Variants in HNRNPF observed in about 807,000 individuals in gnomAD.
The protein encoded by HNRNPF is HnRNP F protein.
HNRNPF carries 2 observed loss-of-function variants against 26.0 expected under a neutral mutation model. The ratio of observed to expected loss-of-function variants is 0.08; its 90% confidence interval spans 0.03 to 0.24. The LOEUF (loss-of-function observed/expected upper bound fraction) is 0.24. HNRNPF is among the 10% of genes least tolerant of loss of function. The pLI, the probability that HNRNPF is intolerant of heterozygous loss-of-function variation, is 1.00. For synonymous variants in HNRNPF, 234 were observed against 211.5 expected (o/e 1.11, Z -0.92); for missense variants, 299 against 539.2 (o/e 0.55, Z 4.41).
intron 3 of HNRNPF, among the ~76,000 whole-genome samples, chr10:43,393,233 T>C (rs920569420): frequency 1.3e-5 from 2 of 152,242 alleles, no homozygotes; most frequent in Non-Finnish European, 2.9e-5. Context: ...CTCATATTGT[T>C]ATTTCTCCTA....
At chr10:43,394,078 G>A (rs1477058595) in intron 3 of HNRNPF, among the ~76,000 whole-genome samples, 2 of 152,282 alleles carry the variant, frequency 1.3e-5, no homozygotes, top group East Asian at 3.9e-4. Context: ...CTACTGGGGA[G>A]AAACTTGTGC....
chr10:43,387,571 G>A lies in HNRNPF; in HGVS notation c.314C>T (p.Ala105Val). The change falls in exon 4 of 4, where the codon GCC (alanine) becomes GTC (valine). Residue 105 changes from alanine to valine, a missense_variant. Around this residue, in one of 6 missense-constraint regions of HNRNPF, gnomAD observed 104 missense variants for 239.0 expected, o/e 0.44. Transcript: ENST00000682386. The surrounding 1 kb of genome is among the most constrained non-coding windows in gnomAD (Gnocchi z 6.0). ...CACGAAGCCATCGTTGGCGCTGTCG[G>A]CACTGTTGGGACCACTGTGCTTCAA... ...WVLKHSGPNS[A>V]DSANDGFVRL... The A allele has an allele frequency of 1.2e-6, 2 of 1,614,162 alleles. No individual in the cohort carries two copies. The highest frequency in any genetic ancestry group is 8.5e-7 in the Non-Finnish European group (1 of 1,180,016).
At chr10:43,398,636 G>A (rs560420866) in intron 1 of HNRNPF, among the ~76,000 whole-genome samples, 20 of 152,058 alleles carry the variant, frequency 1.3e-4, no homozygotes, top group African/African-American at 4.6e-4. Context: ...CACCGCGCCC[G>A]GCCTGTTTTA....
chr10:43,405,382 C>T (rs1334672698), intron 1 of HNRNPF, among the ~76,000 whole-genome samples: 2 of 152,124 alleles, frequency 1.3e-5, no homozygotes, highest in Non-Finnish European at 2.9e-5. Context: ...ACATGCCGGG[C>T]GCGGTGGCTC....
At chr10:43,401,234 T>C (rs1020021458) in intron 1 of HNRNPF, among the ~76,000 whole-genome samples, 1 of 152,256 alleles carries the variant, frequency 6.6e-6, no homozygotes, top group Admixed American at 6.5e-5. Context: ...TATCAGGTCC[T>C]TTCACTTACT....
At chr10:43,388,887 A>G (rs1273364149) in intron 3 of HNRNPF, among the ~76,000 whole-genome samples, 1 of 152,132 alleles carries the variant, frequency 6.6e-6, no homozygotes, top group African/African-American at 2.4e-5. Flanking sequence ...AAAACACTGC[A>G]GTATCATGGG....
intron 2 of HNRNPF, among the ~76,000 whole-genome samples, 173 bp downstream of exon 2, chr10:43,396,283 G>C (rs573534387): frequency 2.4e-4 from 37 of 152,346 alleles, no homozygotes; most frequent in African/African-American, 8.7e-4. Context: ...ACTCGAGGAA[G>C]GATCCTGGCC....
At chr10:43,392,916 TTC>T (rs1288611090) in intron 3 of HNRNPF, among the ~76,000 whole-genome samples, 1 of 152,100 alleles carries the variant, frequency 6.6e-6, no homozygotes, top group Non-Finnish European at 1.5e-5. Flanking sequence ...AAACCTCACA[TTC>T]TCTCTTCTGT....
At chr10:43,390,310 T>C (rs1485679053) in intron 3 of HNRNPF, among the ~76,000 whole-genome samples, 1 of 152,216 alleles carries the variant, frequency 6.6e-6, no homozygotes, top group African/African-American at 2.4e-5. Flanking sequence ...CCTGTCCTTT[T>C]GTCTTTGACC....
chr10:43,408,413 G>A (rs1474860066), intron 1 of HNRNPF, among the ~76,000 whole-genome samples: 1 of 152,128 alleles, frequency 6.6e-6, no homozygotes, highest in Non-Finnish European at 1.5e-5. Flanking sequence ...TCCCACGTAC[G>A]GGCCCCTCGA....
At chr10:43,402,577 T>C (rs993205616) in intron 1 of HNRNPF, among the ~76,000 whole-genome samples, 1 of 152,208 alleles carries the variant, frequency 6.6e-6, no homozygotes, top group Non-Finnish European at 1.5e-5. Flanking sequence ...CCTAGCATAC[T>C]AATACAACGT....
chr10:43,401,471 A>G (rs750951065), intron 1 of HNRNPF, among the ~76,000 whole-genome samples: 9 of 152,226 alleles, frequency 5.9e-5, no homozygotes, highest in Non-Finnish European at 1.2e-4. Context: ...AAGAATCATG[A>G]TATCTAAGGT....
intron 1 of HNRNPF, among the ~76,000 whole-genome samples, chr10:43,399,652 T>C (rs898698609): frequency 1.2e-4 from 18 of 152,086 alleles, no homozygotes; most frequent in Non-Finnish European, 2.2e-4. Flanking sequence ...AAGAGATACA[T>C]GGAGACAAGA....
intron 3 of HNRNPF, among the ~76,000 whole-genome samples, chr10:43,389,772 C>G (rs4597022): frequency 0.35 from 52,466 of 152,014 alleles, 10,766 homozygotes; most frequent in African/African-American, 0.58. Flanking sequence ...CAAGGGCTTT[C>G]AAAGTATACA....
chr10:43,406,422 G>T (rs1838919763), intron 1 of HNRNPF, among the ~76,000 whole-genome samples: 3 of 152,164 alleles, frequency 2.0e-5, no homozygotes, highest in Admixed American at 2.0e-4. Context: ...GGCCGGGCAC[G>T]ATGGCTCACG....
chr10:43,406,551 C>T (rs1180721552), intron 1 of HNRNPF, among the ~76,000 whole-genome samples: 2 of 152,054 alleles, frequency 1.3e-5, no homozygotes, highest in African/African-American at 4.8e-5. Flanking sequence ...AAAAATTTGC[C>T]GGGCGTGCTG....
chr10:43,402,671 A>T (rs1280806064), intron 1 of HNRNPF, among the ~76,000 whole-genome samples: 1 of 152,230 alleles, frequency 6.6e-6, no homozygotes, highest in Non-Finnish European at 1.5e-5. Context: ...GGTATCTAAC[A>T]CCAACTTAAA....
intron 1 of HNRNPF, among the ~76,000 whole-genome samples, chr10:43,406,121 A>C (rs1403637767): frequency 6.6e-6 from 1 of 152,176 alleles, no homozygotes; most frequent in Non-Finnish European, 1.5e-5. Flanking sequence ...AGGACCTAGT[A>C]AGAGTCAACT....
intron 3 of HNRNPF, among the ~76,000 whole-genome samples, chr10:43,391,942 C>T (rs1838266351): frequency 6.6e-6 from 1 of 152,162 alleles, no homozygotes; most frequent in Non-Finnish European, 1.5e-5. Flanking sequence ...CACTCCCCTC[C>T]ATTAAAACTG....
Sources: allele counts gnomAD v4.1 joint callset (sites outside exome capture counted in the v4.1 genomes callset), GRCh38; gene constraint gnomAD v4.1.1; regional missense constraint gnomAD v4.1.1; non-coding constraint Gnocchi (gnomAD v3.1); transcripts MANE v1.5; gene names NCBI Gene and HGNC (gene_info 2026-07-23, HGNC 2026-07-21).